LRP1B: variants seen among roughly 807,000 people sequenced by gnomAD.
The protein encoded by LRP1B is low-density lipoprotein receptor-related protein 1B.
In LRP1B, 217 loss-of-function variants were observed where a neutral mutation model predicts 556.6. The ratio of observed to expected loss-of-function variants is 0.39; its 90% CI spans 0.35 to 0.44. LRP1B has a LOEUF of 0.44. Ranked by LOEUF, LRP1B falls within the 20% of genes least tolerant of loss-of-function variation. The pLI is 1.00. For missense variants in LRP1B, 5,053 were observed against 5,620.8 expected, an observed-to-expected ratio of 0.90 and a Z score of 3.23; for synonymous variants, 2,047 against 1,865.8, an observed-to-expected ratio of 1.10 and a Z score of -2.50.
chr2:142,028,697 G>T (rs1703587458), intron 1 of LRP1B, among the ~76,000 whole-genome samples: 1 of 151,940 alleles, frequency 6.6e-6, no homozygotes, highest in African/African-American at 2.4e-5. Context: ...TAGAAGTCGG[G>T]TTCAGTGGAA....
At chr2:141,600,856 T>C (rs1189575818) in intron 2 of LRP1B, among the ~76,000 whole-genome samples, 1 of 152,120 alleles carries the variant, frequency 6.6e-6, no homozygotes, top group Non-Finnish European at 1.5e-5. Context: ...TGTTCAGTGC[T>C]GTCACAAGGA....
intron 41 of LRP1B, among the ~76,000 whole-genome samples, chr2:140,634,275 A>G (rs750279461): frequency 9.9e-5 from 15 of 152,186 alleles, no homozygotes; most frequent in Non-Finnish European, 2.1e-4. Context: ...TCAGCAAAGT[A>G]GAAGTACAGA....
In LRP1B at chr2:141,819,336, G is replaced by A. The variant is rs529370871; in HGVS notation, c.83-8935C>T. ...TCCACAACCGTCTACTCAAAACACCGAAAAGCTTCTATTTTACTTTGCTGT... is the reference window on the plus strand; with the variant it reads ...TCCACAACCGTCTACTCAAAACACCAAAAAGCTTCTATTTTACTTTGCTGT... On this transcript the variant is annotated intron_variant, in intron 1 of 90. Coordinates refer to ENST00000389484, the MANE Select transcript of LRP1B (RefSeq NM_018557.3). 6.6e-5 allele frequency among the ~76,000 whole-genome samples: 10 copies of A among 152,124 alleles called. No individual in the cohort carries two copies. The South Asian group carries it at 1.7e-3, about 25-fold the overall frequency.
Position 140,982,144 on chromosome 2 carries a change from C to G in LRP1B, c.2887+16G>C. 6.3e-7 allele frequency: 1 copy of G among 1,578,328 alleles called. No homozygotes were observed. The highest frequency in any genetic ancestry group is 8.7e-7 in the Non-Finnish European group (1 of 1,148,124). On this transcript the variant is annotated intron_variant, in intron 18 of 90. Transcript: ENST00000389484. The stretch of plus-strand genomic sequence containing the variant: ...GACACAATCTGTAATAATAACATGT[C>G]TCACTCACAACTTACCACAAGATGC...
chr2:140,801,213 G>A (rs538412305), intron 32 of LRP1B, among the ~76,000 whole-genome samples: 2 of 152,208 alleles, frequency 1.3e-5, no homozygotes, highest in African/African-American at 4.8e-5. Flanking sequence ...ATTATTTTAG[G>A]AGACAAAAAT....
In LRP1B at chr2:142,129,576, TTCTCTCTTTCTCTCTCTCTC is replaced by T. The variant is rs996226150; in HGVS notation, c.82+1052_82+1071del. Reference sequence around the variant, plus strand: ...GCTTGGCATTGGGATCTGGGTTTCTTTCTCTCTTTCTCTCTCTCTCTCTCTCTCTCTCTCTCTCTCTCTCT... The same window carrying T: ...GCTTGGCATTGGGATCTGGGTTTCTTTCTCTCTCTCTCTCTCTCTCTCTCT... On this transcript the variant is annotated intron_variant, in intron 1 of 90. Coordinates refer to ENST00000389484, the MANE Select transcript of LRP1B (RefSeq NM_018557.3). 7.2e-5 allele frequency among the ~76,000 whole-genome samples: 8 copies of T among 111,056 alleles called. No individual in the cohort carries two copies. The South Asian group carries it at 1.3e-3, about 18-fold the overall frequency. The allele number at this position is 111,056 out of a possible 152,430, so 72.9% of individuals were successfully genotyped here.
At chr2:140,539,208 T>C (rs1411642729) in intron 45 of LRP1B, among the ~76,000 whole-genome samples, 2 of 152,146 alleles carry the variant, frequency 1.3e-5, no homozygotes, top group Non-Finnish European at 2.9e-5. Context: ...TGTTAGTACA[T>C]GGCCTTTCAC....
chr2:141,820,274 T>G (rs1696710253), intron 1 of LRP1B, among the ~76,000 whole-genome samples: 2 of 152,210 alleles, frequency 1.3e-5, no homozygotes, highest in South Asian at 4.1e-4. Context: ...ATATCACATC[T>G]GTAAGCACAG....
intron 2 of LRP1B, among the ~76,000 whole-genome samples, chr2:141,554,509 T>C (rs1685890184): frequency 6.6e-6 from 1 of 151,684 alleles, no homozygotes; most frequent in Admixed American, 6.6e-5. Flanking sequence ...GATTAGAGAG[T>C]ACATTTTTAC....
chr2:140,884,285 A>G (rs1449835922), intron 24 of LRP1B, among the ~76,000 whole-genome samples: 1 of 151,980 alleles, frequency 6.6e-6, no homozygotes, highest in Non-Finnish European at 1.5e-5. Context: ...TGAGGCTAAT[A>G]ACAACGTTGA....
At chr2:140,942,506 G>T (rs914582312) in intron 20 of LRP1B, among the ~76,000 whole-genome samples, 1 of 152,058 alleles carries the variant, frequency 6.6e-6, no homozygotes, top group East Asian at 1.9e-4. Context: ...TCCAAGGTCG[G>T]CATGAAAGAA....
intron 41 of LRP1B, among the ~76,000 whole-genome samples, chr2:140,612,546 C>G (rs555135284): frequency 1.8e-4 from 27 of 152,198 alleles, no homozygotes; most frequent in Middle Eastern, 3.4e-3. Flanking sequence ...TCACACGTCA[C>G]CGATACCTCC....
chr2:140,323,474 C>G (rs1056421003), intron 81 of LRP1B, among the ~76,000 whole-genome samples: 1 of 151,958 alleles, frequency 6.6e-6, no homozygotes, highest in Non-Finnish European at 1.5e-5. Context: ...CGTCTATGCA[C>G]TCACAAGGTT....
At chr2:141,107,858 A>G (rs1358265563) in intron 7 of LRP1B, among the ~76,000 whole-genome samples, 1 of 152,164 alleles carries the variant, frequency 6.6e-6, no homozygotes, top group Non-Finnish European at 1.5e-5. Flanking sequence ...TTAGAATAGC[A>G]AAACACTATT....
intron 2 of LRP1B, among the ~76,000 whole-genome samples, chr2:141,603,548 T>G (rs901803949): frequency 2.0e-5 from 3 of 152,182 alleles, no homozygotes; most frequent in Non-Finnish European, 4.4e-5. Context: ...CATTCAGAAT[T>G]TAGCACATTT....
intron 2 of LRP1B, among the ~76,000 whole-genome samples, chr2:141,627,775 G>A (rs745401750): frequency 3.0e-4 from 45 of 152,164 alleles, no homozygotes; most frequent in Admixed American, 8.5e-4. Context: ...AAGGTAAACT[G>A]TGAACCTTGG....
At chr2:141,371,801 C>T (rs937404132) in intron 3 of LRP1B, among the ~76,000 whole-genome samples, 1 of 152,044 alleles carries the variant, frequency 6.6e-6, no homozygotes, top group Admixed American at 6.6e-5. Flanking sequence ...TATAAGATCA[C>T]ACCATAAGTG....
chr2:141,022,108 T>C (rs1438302305), intron 11 of LRP1B, among the ~76,000 whole-genome samples: 2 of 151,702 alleles, frequency 1.3e-5, no homozygotes, highest in Non-Finnish European at 2.9e-5. Context: ...TAAATAAATA[T>C]ATGTGATGTT....
intron 2 of LRP1B, among the ~76,000 whole-genome samples, chr2:141,620,527 CAT>C (rs1418899757): frequency 6.6e-6 from 1 of 152,132 alleles, no homozygotes; most frequent in African/African-American, 2.4e-5. Flanking sequence ...TCATTACAGA[CAT>C]ATTGGATATG....
Sources: allele counts gnomAD v4.1 joint callset (sites outside exome capture counted in the v4.1 genomes callset), GRCh38; gene constraint gnomAD v4.1.1; transcripts MANE v1.5; gene names NCBI Gene and HGNC (gene_info 2026-07-23, HGNC 2026-07-21).